PRELID2: variants seen among roughly 807,000 people sequenced by gnomAD.
The protein encoded by PRELID2 is PRELI domain-containing protein 2.
Under a neutral mutation model 28.4 loss-of-function variants are expected in PRELID2, and 25 were observed. The ratio of observed to expected loss-of-function variants is 0.88; its 90% CI spans 0.64 to 1.23. PRELID2 has a LOEUF of 1.23. Among genes scored for constraint, PRELID2 ranks in the 50% most tolerant of loss-of-function variants. PRELID2 has a pLI of 0.00. For synonymous variants in PRELID2, 76 were observed against 71.6 expected (o/e 1.06, Z -0.31); for missense variants, 201 against 214.4 (o/e 0.94, Z 0.39).
chr5:145,573,714 G>A (rs984282951), intron 1 of PRELID2, among the ~76,000 whole-genome samples: 5 of 152,168 alleles, frequency 3.3e-5, no homozygotes, highest in Non-Finnish European at 7.3e-5. Context: ...ATTCCATGAT[G>A]TATATGTGCC....
At chr5:145,478,486 G>A (rs1752127596) in intron 1 of PRELID2, among the ~76,000 whole-genome samples, 2 of 152,044 alleles carry the variant, frequency 1.3e-5, no homozygotes, top group Non-Finnish European at 2.9e-5. Flanking sequence ...AGGAGGCAGA[G>A]GTTGCAGTGA....
chr5:145,698,718 G>GTTGT (rs569821435), intron 1 of PRELID2, among the ~76,000 whole-genome samples: 70 of 152,146 alleles, frequency 4.6e-4, no homozygotes, highest in African/African-American at 8.4e-4. Context: ...CCACCTGTTT[G>GTTGT]TTGTTTGTTT....
the PRELID2 span, among the ~76,000 whole-genome samples, chr5:145,242,834 A>C: frequency 6.6e-6 from 1 of 152,198 alleles, no homozygotes; most frequent in Admixed American, 6.6e-5. Context: ...ACAGTAAATA[A>C]AACAAATGTC....
At chr5:145,772,879 C>T (rs112139541) in intron 5 of PRELID2, among the ~76,000 whole-genome samples, 1 of 152,188 alleles carries the variant, frequency 6.6e-6, no homozygotes, top group African/African-American at 2.4e-5. Flanking sequence ...TATCTAATCC[C>T]ATCTACAAAC....
intron 1 of PRELID2, among the ~76,000 whole-genome samples, chr5:145,510,290 C>T (rs1186889721): frequency 1.3e-5 from 2 of 152,164 alleles, no homozygotes; most frequent in African/African-American, 2.4e-5. Flanking sequence ...CCTCACCACA[C>T]TTTTTCCCAG....
At chr5:145,317,186 A>G in the PRELID2 span, among the ~76,000 whole-genome samples, 1 of 152,188 alleles carries the variant, frequency 6.6e-6, no homozygotes, top group Non-Finnish European at 1.5e-5. Flanking sequence ...GCACATCACC[A>G]TATTGGGTCC....
intron 1 of PRELID2, among the ~76,000 whole-genome samples, chr5:145,701,266 C>T (rs892010417): frequency 1.3e-5 from 2 of 152,136 alleles, no homozygotes; most frequent in Non-Finnish European, 2.9e-5. Context: ...ACCTTCACAC[C>T]GACTGCACTG....
the PRELID2 span, among the ~76,000 whole-genome samples, chr5:145,231,112 G>A: frequency 1.3e-5 from 2 of 152,092 alleles, no homozygotes; most frequent in South Asian, 2.1e-4. Context: ...TTAACATTGT[G>A]TTGACATATT....
At chr5:145,489,649 G>T (rs538265449) in intron 1 of PRELID2, among the ~76,000 whole-genome samples, 1 of 152,218 alleles carries the variant, frequency 6.6e-6, no homozygotes, top group African/African-American at 2.4e-5. Context: ...GCTTAAAAGC[G>T]AGCAGGGATC....
At chr5:145,792,585 G>A (rs1752467123) in intron 5 of PRELID2, among the ~76,000 whole-genome samples, 1 of 152,130 alleles carries the variant, frequency 6.6e-6, no homozygotes, top group African/African-American at 2.4e-5. Context: ...TCTATCTTGT[G>A]AATTATGTCT....
intron 1 of PRELID2, among the ~76,000 whole-genome samples, chr5:145,595,181 C>T (rs1474666102): frequency 2.6e-5 from 4 of 151,374 alleles, no homozygotes; most frequent in African/African-American, 7.3e-5. Flanking sequence ...CACACACACA[C>T]ACACACACAC....
chr5:145,795,380 A>C (rs956055366), intron 5 of PRELID2: 1 of 152,166 alleles, frequency 6.6e-6, no homozygotes, highest in African/African-American at 2.4e-5. Context: ...AACCACCTCA[A>C]CTGGAGCAAG....
At chr5:145,718,476 CAT>C (rs1328909720) in intron 1 of PRELID2, among the ~76,000 whole-genome samples, 1 of 151,670 alleles carries the variant, frequency 6.6e-6, no homozygotes, top group Non-Finnish European at 1.5e-5. Flanking sequence ...ATTTTCAAGA[CAT>C]AAATTTTCCG....
chr5:145,736,377 C>T (rs1237136043), intron 1 of PRELID2, among the ~76,000 whole-genome samples: 1 of 113,742 alleles, frequency 8.8e-6, no homozygotes, highest in African/African-American at 3.1e-5. Context: ...GGGTAACTAA[C>T]TTTCCCAAGA....
intron 1 of PRELID2, among the ~76,000 whole-genome samples, chr5:145,572,450 AT>A (rs1561508547): frequency 2.0e-5 from 3 of 152,180 alleles, no homozygotes; most frequent in Non-Finnish European, 4.4e-5. Context: ...AACTCATAGG[AT>A]TTTTTAAGGA....
chr5:145,701,253 T>C (rs1755400333), intron 1 of PRELID2, among the ~76,000 whole-genome samples: 1 of 152,220 alleles, frequency 6.6e-6, no homozygotes, highest in South Asian at 2.1e-4. Context: ...GGAAGCATGC[T>C]TAACCTTCAC....
At chr5:145,623,256 C>CT (rs1436815890) in intron 1 of PRELID2, among the ~76,000 whole-genome samples, 7 of 151,410 alleles carry the variant, frequency 4.6e-5, no homozygotes, top group African/African-American at 1.5e-4. Flanking sequence ...TGAGACCAGC[C>CT]GGCCAACATG....
At chr5:145,557,049 T>C (rs996027221) in intron 1 of PRELID2, among the ~76,000 whole-genome samples, 1 of 152,202 alleles carries the variant, frequency 6.6e-6, no homozygotes, top group East Asian at 1.9e-4. Context: ...AATCTAATCA[T>C]CTAATAATTA....
chr5:145,359,563 C>A, the PRELID2 span, among the ~76,000 whole-genome samples: 12 of 152,174 alleles, frequency 7.9e-5, no homozygotes, highest in Non-Finnish European at 1.3e-4. Flanking sequence ...ATCGATTTTT[C>A]CAGTCTCAGA....
Sources: gnomAD v4.1 joint callset for allele counts (sites outside exome capture counted in the v4.1 genomes callset) on GRCh38, gnomAD v4.1.1 for gene constraint, MANE v1.5 for transcripts, NCBI Gene and HGNC (gene_info 2026-07-23, HGNC 2026-07-21) for gene names.